Variants in PTPRN2 observed in about 807,000 individuals in gnomAD.
PTPRN2 encodes the protein protein tyrosine phosphatase receptor type N2.
In PTPRN2, 74 loss-of-function variants were observed where a neutral mutation model predicts 118.8. The ratio of observed to expected loss-of-function variants is 0.62; its 90% CI spans 0.52 to 0.76. The LOEUF (loss-of-function observed/expected upper bound fraction) is 0.76, where lower values mean the gene tolerates loss of function less well. Ranked by LOEUF, PTPRN2 falls within the 30% of genes least tolerant of loss-of-function variation. The pLI is 0.00. For missense variants in PTPRN2, 1,481 were observed against 1,394.4 expected (o/e 1.06, Z -0.99); for synonymous variants, 641 against 608.0 (o/e 1.05, Z -0.80).
chr7:157,849,727 G>A (rs991748925), intron 12 of PTPRN2, among the ~76,000 whole-genome samples: 7 of 152,180 alleles, frequency 4.6e-5, no homozygotes, highest in Non-Finnish European at 7.3e-5. Context: ...CCAGGTGGCC[G>A]TCATTTCCCA....
chr7:158,141,024 G>A (rs1383777581), intron 6 of PTPRN2, among the ~76,000 whole-genome samples: 2 of 152,040 alleles, frequency 1.3e-5, no homozygotes, highest in East Asian at 3.9e-4. Flanking sequence ...ACCTCAGTGG[G>A]GTCTCACCAC....
intron 2 of PTPRN2, among the ~76,000 whole-genome samples, chr7:158,421,439 C>T (rs113644025): frequency 2.2e-4 from 33 of 152,284 alleles, no homozygotes; most frequent in African/African-American, 4.8e-4. Context: ...ATCGACAAAG[C>T]GACATTGAAA....
chr7:158,185,219 T>C (rs1298830287), intron 5 of PTPRN2, among the ~76,000 whole-genome samples: 1 of 152,222 alleles, frequency 6.6e-6, no homozygotes, highest in Non-Finnish European at 1.5e-5. Context: ...TCTTTCTCTG[T>C]ATGATTTTGA....
At chr7:158,146,536 AT>A (rs1820037552) in intron 6 of PTPRN2, among the ~76,000 whole-genome samples, 1 of 152,012 alleles carries the variant, frequency 6.6e-6, no homozygotes, top group Admixed American at 6.6e-5. Flanking sequence ...CCTGACTAAC[AT>A]GGTGAAACCC....
chr7:158,546,700 G>A lies in PTPRN2; in HGVS notation c.112+40858C>T, dbSNP rs905954023. 6.6e-6 allele frequency among the ~76,000 whole-genome samples: 1 copy of A among 152,338 alleles called. No homozygotes were observed. Among genetic ancestry groups the A allele is most frequent in the African/African-American group, 2.4e-5 (1 of 41,572 alleles). Reference sequence around the variant, plus strand: ...GAGGGTCTTAGGCAGAGCTGGCCATGCTTGCCTTGGTGAAGACCCCAGCCA... The same window carrying A: ...GAGGGTCTTAGGCAGAGCTGGCCATACTTGCCTTGGTGAAGACCCCAGCCA... On this transcript the variant is annotated intron_variant, in intron 1 of 22. Coordinates refer to ENST00000389418, the MANE Select transcript of PTPRN2 (RefSeq NM_002847.5). The surrounding 1 kb of genome is among the most constrained non-coding windows in gnomAD (Gnocchi z 5.0).
At chr7:157,568,379 T>A (rs1322874067) in intron 21 of PTPRN2, among the ~76,000 whole-genome samples, 1 of 152,192 alleles carries the variant, frequency 6.6e-6, no homozygotes, top group Non-Finnish European at 1.5e-5. Flanking sequence ...AGAAGGACAT[T>A]CACAAAGAGG....
At chr7:157,811,727 C>G (rs542941474) in intron 12 of PTPRN2, among the ~76,000 whole-genome samples, 1 of 152,168 alleles carries the variant, frequency 6.6e-6, no homozygotes, top group Non-Finnish European at 1.5e-5. Flanking sequence ...CGAGACTCCA[C>G]GCAGTGGCTT....
rs2128942928 is a variant in PTPRN2 at position 158,089,817 on chromosome 7, C to G, written c.1644-8440G>C. 9.6e-5 allele frequency among the ~76,000 whole-genome samples: 12 copies of G among 125,094 alleles called. 3 individuals are homozygous for G. The highest frequency in any genetic ancestry group is 1.4e-4 in the Non-Finnish European group (8 of 58,558). The allele number at this position is 125,094 out of a possible 152,430, so 82.1% of individuals were successfully genotyped here. ...TTCTTCCCCTGACGAAAGAGGGAGT[C>G]TTCACACACATCCTTCCTCCCCTGA... On this transcript the variant is annotated intron_variant, in intron 10 of 22. Coordinates refer to ENST00000389418, the MANE Select transcript of PTPRN2 (RefSeq NM_002847.5).
intron 3 of PTPRN2, among the ~76,000 whole-genome samples, chr7:158,284,948 C>T (rs1324595500): frequency 6.6e-6 from 1 of 152,230 alleles, no homozygotes; most frequent in Non-Finnish European, 1.5e-5. Context: ...CTGCCTGTGC[C>T]CCCACGAGCC....
At chr7:158,581,943 G>A (rs1207503925) in intron 1 of PTPRN2, among the ~76,000 whole-genome samples, 1 of 152,210 alleles carries the variant, frequency 6.6e-6, no homozygotes, top group Non-Finnish European at 1.5e-5. Flanking sequence ...TTTAAAATGT[G>A]CAGAAGCAGG....
intron 11 of PTPRN2, among the ~76,000 whole-genome samples, chr7:157,938,797 G>C (rs1277785322): frequency 6.6e-6 from 1 of 152,200 alleles, no homozygotes; most frequent in African/African-American, 2.4e-5. Context: ...TGGGGTGTTG[G>C]TGCTTATGTA....
At chr7:158,243,114 A>G (rs964160480) in intron 3 of PTPRN2, among the ~76,000 whole-genome samples, 2 of 152,216 alleles carry the variant, frequency 1.3e-5, no homozygotes, top group African/African-American at 4.8e-5. Context: ...TAGGTTGATT[A>G]GAAAACAAAA....
At chr7:157,880,263 G>A (rs1418834001) in intron 12 of PTPRN2, among the ~76,000 whole-genome samples, 2 of 152,122 alleles carry the variant, frequency 1.3e-5, no homozygotes. Flanking sequence ...GCTGCTGAAG[G>A]TAGCATCATA....
chr7:157,819,739 C>G (rs556459062), intron 12 of PTPRN2, among the ~76,000 whole-genome samples: 4 of 152,068 alleles, frequency 2.6e-5, no homozygotes, highest in African/African-American at 9.7e-5. Flanking sequence ...TCCCTCTGCA[C>G]GCCCCATCAC....
chr7:157,762,187 G>T (rs1208909287), intron 12 of PTPRN2, among the ~76,000 whole-genome samples: 1 of 151,976 alleles, frequency 6.6e-6, no homozygotes, highest in Non-Finnish European at 1.5e-5. Flanking sequence ...TCAGTGTGGC[G>T]ATTCCTCAGG....
At chr7:158,357,404 G>T (rs1026645188) in intron 2 of PTPRN2, among the ~76,000 whole-genome samples, 1 of 152,228 alleles carries the variant, frequency 6.6e-6, no homozygotes, top group Non-Finnish European at 1.5e-5. Flanking sequence ...GTGACAGGAG[G>T]TGCCTCCATC....
chr7:158,400,441 C>T (rs1812846611), intron 2 of PTPRN2, among the ~76,000 whole-genome samples: 1 of 152,126 alleles, frequency 6.6e-6, no homozygotes. Flanking sequence ...CTCCTGACAT[C>T]ACCACAACAA....
chr7:158,532,867 G>T, intron 1 of PTPRN2: 1 of 522,860 alleles, frequency 1.9e-6, no homozygotes. Context: ...GCACTCTGAC[G>T]CGCAGACCAT....
At chr7:157,924,180 C>T (rs1225122928) in intron 11 of PTPRN2, among the ~76,000 whole-genome samples, 1 of 152,084 alleles carries the variant, frequency 6.6e-6, no homozygotes, top group East Asian at 1.9e-4. Context: ...GATGAGGGGG[C>T]GCGGCCACAG....
Sources: allele counts gnomAD v4.1 joint callset (sites outside exome capture counted in the v4.1 genomes callset), GRCh38; gene constraint gnomAD v4.1.1; non-coding constraint Gnocchi (gnomAD v3.1); transcripts MANE v1.5; gene names NCBI Gene and HGNC (gene_info 2026-07-23, HGNC 2026-07-21).